Variants in ACER2 observed in about 807,000 individuals in gnomAD.
ACER2 encodes the protein alkCDase 2.
In ACER2, 26 loss-of-function variants were observed where a neutral mutation model predicts 34.7. That is an observed-to-expected ratio of 0.75 (90% CI 0.55 to 1.04). The LOEUF (loss-of-function observed/expected upper bound fraction) is 1.04. Ranked by LOEUF, ACER2 falls within the 50% of genes least tolerant of loss-of-function variation. The pLI, the probability that ACER2 is intolerant of heterozygous loss-of-function variation, is 0.00. For missense variants in ACER2, 352 were observed against 340.8 expected (o/e 1.03, Z -0.26); for synonymous variants, 138 against 132.1 (o/e 1.04, Z -0.31).
chr9:19,409,690 C>T (rs1194000973), intron 1 of ACER2: 1 of 966,856 alleles, frequency 1.0e-6, no homozygotes, highest in Non-Finnish European at 1.2e-6. Flanking sequence ...ACTTGCCCCA[C>T]CCCCAAGAAC....
At chr9:19,422,122 CAAAA>C (rs57946946) in intron 1 of ACER2, among the ~76,000 whole-genome samples, 1 of 131,548 alleles carries the variant, frequency 7.6e-6, no homozygotes, top group Admixed American at 7.7e-5. Flanking sequence ...CCATCTCTAC[CAAAA>C]AAAAAAAAAA....
At chr9:19,423,372 C>G (rs1830465207) in intron 1 of ACER2, among the ~76,000 whole-genome samples, 1 of 152,174 alleles carries the variant, frequency 6.6e-6, no homozygotes, top group Non-Finnish European at 1.5e-5. Flanking sequence ...ATTTAAAAAG[C>G]TTTAAGTTCT....
chr9:19,446,489 C>T (rs895757245), intron 5 of ACER2, 71 bp downstream of exon 5: 5 of 1,603,390 alleles, frequency 3.1e-6, no homozygotes, highest in Non-Finnish European at 4.3e-6. Context: ...TCTGTTCACC[C>T]TGCAAGTGGT....
chr9:19,446,688 C>G lies in ACER2; in HGVS notation c.641+270C>G, dbSNP rs11791061. 32 of 952,182 alleles carry G rather than the reference C, an allele frequency of 3.4e-5. No homozygotes were observed. The African/African-American group carries it at 5.1e-4, about 15-fold the overall frequency. 59.0% of individuals were successfully genotyped at this position (952,182 alleles called of 1,614,324 possible). ...TTACCTCTAACTCCATTATTAAAGC[C>G]TAAAGGAGCTTGAGAACTGAACCTG... On this transcript the variant is annotated intron_variant, in intron 5 of 5. Transcript: ENST00000340967.
At chr9:19,445,453 C>G (rs1424054666) in intron 4 of ACER2, among the ~76,000 whole-genome samples, 1 of 152,130 alleles carries the variant, frequency 6.6e-6, no homozygotes, top group African/African-American at 2.4e-5. Flanking sequence ...TAATCACTAC[C>G]TAGAAAATTA....
intron 1 of ACER2, among the ~76,000 whole-genome samples, chr9:19,420,928 A>C (rs1271332488): frequency 6.6e-6 from 1 of 152,136 alleles, no homozygotes; most frequent in Non-Finnish European, 1.5e-5. Context: ...CAGTTGTGTG[A>C]TGGGGATACG....
chr9:19,440,859 C>T (rs762012645), intron 4 of ACER2, among the ~76,000 whole-genome samples: 1 of 152,094 alleles, frequency 6.6e-6, no homozygotes, highest in Non-Finnish European at 1.5e-5. Flanking sequence ...TTCCATGTAT[C>T]ACAGGCATCT....
At chr9:19,450,308 C>T in intron 5 of ACER2, 142 bp from the exon 6 acceptor site, 1 of 1,318,078 alleles carries the variant, frequency 7.6e-7, no homozygotes, top group Non-Finnish European at 9.7e-7. Flanking sequence ...TAATCTTCAT[C>T]CTTTCCTAAT....
In ACER2 at chr9:19,423,864, C is replaced by G. The variant is rs746034521; in HGVS notation, c.111C>G (p.Ile37Met). Residue 37 changes from isoleucine to methionine, a missense_variant and splice_region_variant, in exon 2 of 6, where the codon ATC (isoleucine) becomes ATG (methionine). Ile to Met is a conservative substitution (Grantham distance 10). Transcript: ENST00000340967. ...TGTTTTACATTTTTTTCCTGCAGAT[C>G]AGCAATGTCTTATTTTTCATTTTAC... ...VPAIAEFYNT[I>M]SNVLFFILPP... 23 of 1,611,856 alleles carry G rather than the reference C, an allele frequency of 1.4e-5. No homozygotes were observed. The highest frequency in any genetic ancestry group is 5.9e-6 in the Non-Finnish European group (7 of 1,178,218).
intron 1 of ACER2, among the ~76,000 whole-genome samples, chr9:19,411,662 T>A (rs897896121): frequency 6.6e-6 from 1 of 152,198 alleles, no homozygotes; most frequent in Non-Finnish European, 1.5e-5. Context: ...TCGTCTTAAA[T>A]CCTCATAATA....
Position 19,409,142 on chromosome 9 carries a change from T to A in ACER2, c.58T>A (p.Cys20Ser). 1.9e-6 allele frequency: 3 copies of A among 1,606,848 alleles called. No homozygotes were observed. Among genetic ancestry groups the A allele is most frequent in the Non-Finnish European group, 2.5e-6 (3 of 1,177,188 alleles). Residue 20 changes from cysteine (C) to serine (S), a missense_variant, in exon 1 of 6, where the codon TGC becomes AGC. By Grantham distance (112) the Cys-to-Ser change is moderately radical. Coordinates refer to ENST00000340967, the MANE Select transcript of ACER2 (RefSeq NM_001010887.3). ...LQAGSSEVDW[C>S]EDNYTIVPAI... is the part of the protein sequence containing the mutation. ...GGCTGGTAGCTCGGAGGTGGACTGG[T>A]GCGAGGACAACTACACCATCGTGCC...
intron 3 of ACER2, among the ~76,000 whole-genome samples, chr9:19,428,079 T>TTTCCTTC (rs1830635351): frequency 7.2e-6 from 1 of 139,818 alleles, no homozygotes; most frequent in Non-Finnish European, 1.5e-5. Context: ...TTTCCTTTCC[T>TTTCCTTC]TCTCTCTCTC....
At chr9:19,449,650 G>A (rs970837026) in intron 5 of ACER2, among the ~76,000 whole-genome samples, 6 of 152,178 alleles carry the variant, frequency 3.9e-5, no homozygotes, top group African/African-American at 1.2e-4. Context: ...TTGGGAGGCC[G>A]AGGCAGGTGG....
intron 1 of ACER2, among the ~76,000 whole-genome samples, chr9:19,410,815 CAG>C (rs1036023906): frequency 6.6e-6 from 1 of 152,196 alleles, no homozygotes; most frequent in African/African-American, 2.4e-5. Flanking sequence ...TAGTTGCACA[CAG>C]AGGATGGGCT....
intron 1 of ACER2, among the ~76,000 whole-genome samples, chr9:19,416,881 G>A (rs894089662): frequency 3.3e-5 from 5 of 152,096 alleles, no homozygotes; most frequent in Non-Finnish European, 7.4e-5. Context: ...TTTTTTAAAA[G>A]ACCCTCTTAA....
intron 3 of ACER2, among the ~76,000 whole-genome samples, chr9:19,434,439 T>G (rs1830888101): frequency 6.6e-6 from 1 of 152,168 alleles, no homozygotes. Context: ...AGGTGGAGGT[T>G]GTAGCGAGCC....
intron 1 of ACER2, among the ~76,000 whole-genome samples, chr9:19,418,331 G>A (rs1830297021): frequency 6.6e-6 from 1 of 152,006 alleles, no homozygotes; most frequent in South Asian, 2.1e-4. Flanking sequence ...ATTTGACCCA[G>A]CAATGCCATT....
intron 1 of ACER2, among the ~76,000 whole-genome samples, chr9:19,415,457 T>G (rs2132459561): frequency 6.6e-6 from 1 of 152,108 alleles, no homozygotes; most frequent in South Asian, 2.1e-4. Flanking sequence ...ATTTCGCCAC[T>G]GTACTCTAGC....
chr9:19,413,698 C>A (rs566778789), intron 1 of ACER2, among the ~76,000 whole-genome samples: 1 of 152,090 alleles, frequency 6.6e-6, no homozygotes, highest in African/African-American at 2.4e-5. Context: ...TGAGCTTGGC[C>A]TTTGGGGACT....
Sources: allele counts gnomAD v4.1 joint callset (sites outside exome capture counted in the v4.1 genomes callset), GRCh38; gene constraint gnomAD v4.1.1; transcripts MANE v1.5; gene names NCBI Gene and HGNC (gene_info 2026-07-23, HGNC 2026-07-21).